BPIFB3: variants seen among roughly 807,000 people sequenced by gnomAD.
BPIFB3 encodes BPI fold-containing family B member 3.
In BPIFB3, 49 loss-of-function variants were observed where a neutral mutation model predicts 53.1. The observed-to-expected ratio is 0.92, with a 90% CI of 0.73 to 1.17. The LOEUF (loss-of-function observed/expected upper bound fraction) is 1.17. Among genes scored for constraint, BPIFB3 ranks in the 50% most tolerant of loss-of-function variants. BPIFB3 has a pLI of 0.00. For synonymous variants in BPIFB3, 271 were observed against 269.6 expected (o/e 1.01, Z -0.05); for missense variants, 628 against 592.5 (o/e 1.06, Z -0.62).
At chr20:33,059,357 T>C (rs1273891140) in intron 2 of BPIFB3, 21 bp from the exon 4 acceptor site, 1 of 1,579,972 alleles carries the variant, frequency 6.3e-7, no homozygotes. Context: ...TGAGCAACCC[T>C]CTCCCTGACT....
chr20:33,055,485 G>A (rs369950926), exon 1 of BPIFB3: 259 of 1,613,684 alleles, frequency 1.6e-4, no homozygotes, highest in Non-Finnish European at 2.1e-4. Flanking sequence ...GCGACTCCAT[G>A]CCAGGAGCTG....
At chr20:33,069,912 G>T (rs1980815389) in exon 11 of BPIFB3, 1 of 1,614,024 alleles carries the variant, frequency 6.2e-7, no homozygotes, top group Admixed American at 1.7e-5. Context: ...TGCCCAGCTG[G>T]CTCCCTCGGC....
exon 4 of BPIFB3, chr20:33,059,974 C>T: frequency 6.2e-7 from 1 of 1,614,152 alleles, no homozygotes; most frequent in Non-Finnish European, 8.5e-7. Flanking sequence ...AGGGGCACAC[C>T]CATCCTTATC....
chr20:33,072,280 G>A lies in BPIFB3; in HGVS notation c.1324+113G>A, dbSNP rs530012797. The A allele has an allele frequency of 7.3e-4, 848 of 1,161,988 alleles. 1 individual carries two copies. The highest frequency in any genetic ancestry group is 1.1e-3 in the Admixed American group (57 of 53,726). 72.0% of individuals were successfully genotyped at this position (1,161,988 alleles called of 1,614,324 possible). ...GACACTGAGGCCAGAGAGAGAGGTC[G>A]ATCCTCATTTGCAAGATGCAGAAAC... On this transcript the variant is annotated intron_variant, in intron 13 of 14. Transcript: ENST00000375494.
chr20:33,065,500 G>A (rs113182167), intron 8 of BPIFB3, among the ~76,000 whole-genome samples: 1 of 151,004 alleles, frequency 6.6e-6, no homozygotes, highest in African/African-American at 2.4e-5. Flanking sequence ...CACAGAATGA[G>A]ACCTTGTCTC....
chr20:33,059,482 G>T (rs1436346053), exon 3 of BPIFB3: 1 of 1,607,186 alleles, frequency 6.2e-7, no homozygotes, highest in East Asian at 2.2e-5. Flanking sequence ...CATTGCTCTG[G>T]GTGAGTGTGT....
intron 2 of BPIFB3, among the ~76,000 whole-genome samples, chr20:33,058,136 G>C (rs1378751340): frequency 6.6e-6 from 1 of 152,200 alleles, no homozygotes; most frequent in African/African-American, 2.4e-5. Flanking sequence ...TGGCTGGTGG[G>C]TGAATTAGGG....
chr20:33,059,015 G>T (rs189461803), intron 2 of BPIFB3, among the ~76,000 whole-genome samples: 2 of 152,244 alleles, frequency 1.3e-5, no homozygotes, highest in Admixed American at 1.3e-4. Context: ...ATAGCAGGGC[G>T]CAATGTCAAG....
chr20:33,055,085 A>G (rs890887277), upstream of BPIFB3, among the ~76,000 whole-genome samples: 6 of 152,190 alleles, frequency 3.9e-5, no homozygotes, highest in African/African-American at 1.4e-4. Flanking sequence ...TTTATGTCAG[A>G]TGGACTCAGG....
chr20:33,056,631 G>C (rs982166144), exon 2 of BPIFB3: 2 of 1,613,638 alleles, frequency 1.2e-6, no homozygotes, highest in African/African-American at 2.7e-5. Context: ...GGGCTCAGGA[G>C]GGCTGCTTGG....
chr20:33,055,453 C>A (rs375833464), exon 1 of BPIFB3: 472 of 1,613,574 alleles, frequency 2.9e-4, no homozygotes, highest in Non-Finnish European at 3.7e-4. Flanking sequence ...CCCTGTGGTC[C>A]CTGCTTCTGC....
chr20:33,054,468 G>T (rs188960475), upstream of BPIFB3, among the ~76,000 whole-genome samples: 1 of 152,312 alleles, frequency 6.6e-6, no homozygotes, highest in Non-Finnish European at 1.5e-5. Flanking sequence ...TTTAGACAAA[G>T]TGAAGGACGG....
rs763601079 is a variant in BPIFB3, at chr20:33,066,830, A to C, written c.931A>C (p.Ser311Arg). 3 of 1,614,038 alleles carry C rather than the reference A, an allele frequency of 1.9e-6. No individual in the cohort carries two copies. The Admixed American group carries it at 5.0e-5, about 27-fold the overall frequency. Residue 311 changes from serine to arginine, a missense_variant, in exon 9 of 15, where the codon AGC (serine) becomes CGC (arginine). Coordinates refer to ENST00000375494, the Ensembl canonical transcript of BPIFB3. ...TCTCCCATTGGGGGTCCAGGTTCCC[A>C]GCGATGTCCCACTGACAACTACAGA... is the stretch of plus-strand genomic sequence containing the variant.
Position 33,066,818 on chromosome 20 carries a change from G to T in BPIFB3, c.925-6G>T. The T allele has an allele frequency of 1.2e-6, 2 of 1,614,080 alleles. No homozygotes were observed. The highest frequency in any genetic ancestry group is 1.7e-6 in the Non-Finnish European group (2 of 1,179,928). ...TCACCAACCCTCTCTCCCATTGGGG[G>T]TCCAGGTTCCCAGCGATGTCCCACT... On this transcript the variant is annotated splice_region_variant and splice_polypyrimidine_tract_variant and intron_variant, in intron 8 of 14. Transcript: ENST00000375494.
At chr20:33,061,952 C>T (rs570173123) in intron 5 of BPIFB3, 121 bp downstream of exon 6, 7 of 1,167,280 alleles carry the variant, frequency 6.0e-6, no homozygotes, top group Non-Finnish European at 8.7e-6. Flanking sequence ...CCACACCCAC[C>T]TGGTAATCCC....
chr20:33,060,082 G>A (rs373214888), intron 4 of BPIFB3, 51 bp downstream of exon 5: 75 of 1,590,166 alleles, frequency 4.7e-5, no homozygotes, highest in Middle Eastern at 3.3e-4. Context: ...GGATCATCTC[G>A]CACCCATCTG....
intron 8 of BPIFB3, among the ~76,000 whole-genome samples, chr20:33,065,844 G>A (rs893483365): frequency 7.2e-5 from 11 of 152,188 alleles, no homozygotes; most frequent in African/African-American, 2.7e-4. Context: ...CTTCTTGCAA[G>A]TGGGGTCCAG....
intron 2 of BPIFB3, among the ~76,000 whole-genome samples, chr20:33,058,493 G>A (rs1050159497): frequency 3.3e-5 from 5 of 152,122 alleles, no homozygotes; most frequent in African/African-American, 4.8e-5. Flanking sequence ...TACTCATGGG[G>A]TTGTTGCCAG....
chr20:33,061,030 G>A (rs372851293), intron 4 of BPIFB3, among the ~76,000 whole-genome samples: 25 of 152,270 alleles, frequency 1.6e-4, no homozygotes, highest in African/African-American at 4.6e-4. Flanking sequence ...GTGTCTCCCC[G>A]TTCTGTGTCC....
Sources: gnomAD v4.1 joint callset for allele counts (sites outside exome capture counted in the v4.1 genomes callset) on GRCh38, gnomAD v4.1.1 for gene constraint, MANE v1.5 for transcripts, NCBI Gene and HGNC (gene_info 2026-07-23, HGNC 2026-07-21) for gene names.